Variants in SLC44A1 observed in about 807,000 individuals in gnomAD.
SLC44A1 encodes the protein choline transporter-like protein 1.
In SLC44A1, 26 loss-of-function variants were observed where a neutral mutation model predicts 79.3. The observed-to-expected ratio is 0.33, with a 90% CI of 0.24 to 0.46. SLC44A1 has a LOEUF of 0.46. SLC44A1 is among the 20% of genes least tolerant of loss of function. SLC44A1 has a pLI of 1.00. For missense variants in SLC44A1, 688 were observed against 798.1 expected (o/e 0.86, Z 1.66); for synonymous variants, 263 against 286.2 (o/e 0.92, Z 0.82).
At chr9:105,270,652 A>G (rs1023052846) in intron 1 of SLC44A1, among the ~76,000 whole-genome samples, 1 of 152,014 alleles carries the variant, frequency 6.6e-6, no homozygotes, top group Admixed American at 6.6e-5. Flanking sequence ...TCAGTTCTAC[A>G]CCTTGTACCC....
At position 105,279,153 on chromosome 9, in the gene SLC44A1, C is replaced by T. The variant is rs187995499; in HGVS notation, c.37-20067C>T. 5.2e-3 allele frequency among the ~76,000 whole-genome samples: 769 copies of T among 146,814 alleles called. 10 individuals carry two copies. The highest frequency in any genetic ancestry group is 0.019 in the African/African-American group (731 of 39,500). ...GGCGGAGCTTGCAGTGAGCTGAGAT[C>T]GCACCACTGCACTCCAGCCTGGGCG... On this transcript the variant is annotated intron_variant, in intron 1 of 15. Coordinates refer to ENST00000374720, the MANE Select transcript of SLC44A1 (RefSeq NM_080546.5).
intron 1 of SLC44A1, among the ~76,000 whole-genome samples, chr9:105,246,468 A>G (rs374654531): frequency 4.3e-5 from 6 of 140,386 alleles, no homozygotes; most frequent in East Asian, 4.1e-4. Context: ...AAAGATTCCT[A>G]TTCAGTTATA....
chr9:105,263,891 GCTCCCCACC>G (rs1318376243), intron 1 of SLC44A1, among the ~76,000 whole-genome samples: 1 of 151,932 alleles, frequency 6.6e-6, no homozygotes, highest in East Asian at 1.9e-4. Context: ...ATTTTAAAAA[GCTCCCCACC>G]CTCCCCATTT....
chr9:105,282,696 G>C (rs1564413533), intron 1 of SLC44A1, among the ~76,000 whole-genome samples: 1 of 151,996 alleles, frequency 6.6e-6, no homozygotes, highest in Non-Finnish European at 1.5e-5. Context: ...TTACAGGCGT[G>C]CGCCACCATG....
At chr9:105,249,718 A>G (rs1251355317) in intron 1 of SLC44A1, among the ~76,000 whole-genome samples, 1 of 149,728 alleles carries the variant, frequency 6.7e-6, no homozygotes, top group African/African-American at 2.5e-5. Flanking sequence ...TATTTTTAGT[A>G]GAGACGAGTT....
In SLC44A1 at chr9:105,393,151, G is replaced by A. The variant is rs1022748022; in HGVS notation, c.*4095G>A. ...AAAATGTGGGTTCATAAGTAAAAGC[G>A]TAACGCAGATATTTGTGTATTCTGT... On this transcript the variant is annotated 3_prime_UTR_variant, in exon 16 of 16. Transcript: ENST00000374720. 3.0e-5 allele frequency: 30 copies of A among 985,340 alleles called. No homozygotes were observed. The highest frequency in any genetic ancestry group is 1.9e-4 in the South Asian group (4 of 21,298). 61.0% of individuals were successfully genotyped at this position (985,340 alleles called of 1,614,324 possible).
intron 2 of SLC44A1, among the ~76,000 whole-genome samples, chr9:105,303,373 T>C (rs1037003731): frequency 6.6e-5 from 10 of 151,956 alleles, no homozygotes; most frequent in African/African-American, 2.4e-4. Flanking sequence ...CTGGATGAAA[T>C]CTGCCCAGAT....
chr9:105,334,228 G>T (rs1826839839), intron 3 of SLC44A1, among the ~76,000 whole-genome samples: 1 of 150,860 alleles, frequency 6.6e-6, no homozygotes, highest in South Asian at 2.1e-4. Context: ...CACTGATAGG[G>T]TCACACACAC....
intron 1 of SLC44A1, among the ~76,000 whole-genome samples, chr9:105,297,980 T>C (rs879673525): frequency 3.3e-5 from 5 of 152,128 alleles, no homozygotes; most frequent in Non-Finnish European, 5.9e-5. Context: ...CTTCACTGCT[T>C]ACTGTTTCCA....
chr9:105,390,169 T>C lies in SLC44A1; in HGVS notation c.*1113T>C. 17 of 1,203,106 alleles carry C rather than the reference T, an allele frequency of 1.4e-5. No homozygotes were observed. The highest frequency in any genetic ancestry group is 1.8e-5 in the Non-Finnish European group (17 of 967,228). 74.5% of individuals were successfully genotyped at this position (1,203,106 alleles called of 1,614,324 possible). A position where few individuals can be genotyped will look rare whatever the true frequency, so the allele number is the denominator to read the frequency against. On this transcript the variant is annotated 3_prime_UTR_variant, in exon 16 of 16. Coordinates refer to ENST00000374720, the MANE Select transcript of SLC44A1 (RefSeq NM_080546.5). Reference sequence around the variant, plus strand: ...CCTCCAGTGTGACTGTTGTTTTTGTTTGGGGGTGGGTTTGGGGTTTTTTGC... The same window carrying C: ...CCTCCAGTGTGACTGTTGTTTTTGTCTGGGGGTGGGTTTGGGGTTTTTTGC...
chr9:105,395,860 C>G lies in SLC44A1; in HGVS notation c.*6804C>G. ...TCTAGTTGCCACTAGAAAATGTGAG[C>G]TCCTTCTTCATTTACCATGTTGATA... On this transcript the variant is annotated 3_prime_UTR_variant, in exon 16 of 16. Coordinates refer to ENST00000374720, the MANE Select transcript of SLC44A1 (RefSeq NM_080546.5). The G allele has an allele frequency of 1.0e-6, 1 of 981,892 alleles. No homozygotes were observed. Among genetic ancestry groups the G allele is most frequent in the African/African-American group, 1.8e-5 (1 of 56,706 alleles). The allele number at this position is 981,892 out of a possible 1,614,324, so 60.8% of individuals were successfully genotyped here.
At chr9:105,316,007 C>T (rs1011125822) in intron 3 of SLC44A1, among the ~76,000 whole-genome samples, 1 of 152,120 alleles carries the variant, frequency 6.6e-6, no homozygotes, top group African/African-American at 2.4e-5. Context: ...AAATAACAAG[C>T]GACCTAAGTG....
At chr9:105,300,839 G>GC (rs1161272176) in intron 2 of SLC44A1, among the ~76,000 whole-genome samples, 4 of 146,820 alleles carry the variant, frequency 2.7e-5, no homozygotes, top group African/African-American at 1.0e-4. Context: ...TGCATGGTGT[G>GC]ATCTCGGCTC....
In SLC44A1 at chr9:105,389,628, G is replaced by A; in HGVS notation, c.*572G>A. 1 of 1,200,460 alleles carries A rather than the reference G, an allele frequency of 8.3e-7. No homozygotes were observed. Among genetic ancestry groups the A allele is most frequent in the Non-Finnish European group, 1.0e-6 (1 of 967,230 alleles). The allele number at this position is 1,200,460 out of a possible 1,614,324, so 74.4% of individuals were successfully genotyped here. ...AGAAACATACAATTGGGCCCAATAT[G>A]GGAATTTTCATAATAGTTCATACAT... is the stretch of plus-strand genomic sequence containing the variant. On this transcript the variant is annotated 3_prime_UTR_variant, in exon 16 of 16. Coordinates refer to ENST00000374720, the MANE Select transcript of SLC44A1 (RefSeq NM_080546.5).
At chr9:105,311,240 G>C (rs1266232732) in intron 3 of SLC44A1, among the ~76,000 whole-genome samples, 1 of 152,016 alleles carries the variant, frequency 6.6e-6, no homozygotes, top group Non-Finnish European at 1.5e-5. Context: ...TGCAAATATA[G>C]TACAGAGTTC....
At chr9:105,399,732 A>C, downstream of SLC44A1, among the ~76,000 whole-genome samples, 1 of 9,130 alleles carries the variant, frequency 1.1e-4, no homozygotes, top group Non-Finnish European at 2.4e-4. Flanking sequence ...ACATTGGATT[A>C]ATGTTTATAA....
intron 1 of SLC44A1, among the ~76,000 whole-genome samples, chr9:105,297,226 G>T (rs1830747728): frequency 6.6e-6 from 1 of 152,098 alleles, no homozygotes; most frequent in South Asian, 2.1e-4. Context: ...CAATAACAAA[G>T]CATTTGTTTA....
chr9:105,254,288 T>A (rs1334863564), intron 1 of SLC44A1, among the ~76,000 whole-genome samples: 1 of 152,198 alleles, frequency 6.6e-6, no homozygotes, highest in African/African-American at 2.4e-5. Flanking sequence ...TACCGTCTTT[T>A]GCTGAGCTGA....
chr9:105,381,573 A>C (rs1383892365), intron 13 of SLC44A1, among the ~76,000 whole-genome samples: 1 of 152,036 alleles, frequency 6.6e-6, no homozygotes, highest in East Asian at 1.9e-4. Context: ...GAAAAAGAAA[A>C]GAAAATAGAA....
Sources: gnomAD v4.1 joint callset for allele counts (sites outside exome capture counted in the v4.1 genomes callset) on GRCh38, gnomAD v4.1.1 for gene constraint, MANE v1.5 for transcripts, NCBI Gene and HGNC (gene_info 2026-07-23, HGNC 2026-07-21) for gene names.